MTMR14: variants seen among roughly 807,000 people sequenced by gnomAD.
MTMR14 encodes the protein phosphatidylinositol-3,5-bisphosphate 3-phosphatase MTMR14.
Under a neutral mutation model 86.3 loss-of-function variants are expected in MTMR14, and 48 were observed. The ratio of observed to expected loss-of-function variants is 0.56; its 90% CI spans 0.44 to 0.71. The LOEUF (loss-of-function observed/expected upper bound fraction) is 0.71, where lower values mean the gene tolerates loss of function less well. Among genes scored for constraint, MTMR14 ranks in the 30% least tolerant of loss-of-function variants. The pLI, the probability that MTMR14 is intolerant of heterozygous loss-of-function variation, is 0.00. For synonymous variants in MTMR14, 366 were observed against 326.1 expected (o/e 1.12, Z -1.32); for missense variants, 780 against 834.6 (o/e 0.93, Z 0.81).
intron 18 of MTMR14, chr3:9,699,843 G>C (rs187822850): frequency 1.3e-5 from 2 of 152,184 alleles, no homozygotes; most frequent in Admixed American, 6.5e-5. Context: ...TTTCTCCCTC[G>C]TATGCTATAA....
At chr3:9,700,928 C>T (rs1045316582) in intron 18 of MTMR14, 1 of 152,084 alleles carries the variant, frequency 6.6e-6, no homozygotes, top group Non-Finnish European at 1.5e-5. Flanking sequence ...AGTGATTCTC[C>T]TGCCTTCAGC....
At chr3:9,678,593 A>G (rs1449624229) in intron 9 of MTMR14, among the ~76,000 whole-genome samples, 1 of 152,190 alleles carries the variant, frequency 6.6e-6, no homozygotes, top group Non-Finnish European at 1.5e-5. Flanking sequence ...CAGAACAAGT[A>G]GTTTTGTTTT....
chr3:9,678,133 C>A, intron 9 of MTMR14, 75 bp downstream of exon 9: 3 of 1,482,820 alleles, frequency 2.0e-6, no homozygotes, highest in Non-Finnish European at 2.8e-6. Flanking sequence ...GCCTGCCCCA[C>A]AAGGCCCTCG....
intron 17 of MTMR14, among the ~76,000 whole-genome samples, chr3:9,692,589 T>C (rs2076169445): frequency 6.6e-6 from 1 of 151,716 alleles, no homozygotes; most frequent in Non-Finnish European, 1.5e-5. Context: ...GGCCTCGGCC[T>C]CGGCCTCTGC....
In MTMR14 at chr3:9,653,702, A is replaced by G; in HGVS notation, c.241A>G (p.Ile81Val). 6.2e-7 allele frequency: 1 copy of G among 1,614,152 alleles called. No individual in the cohort carries two copies. Among genetic ancestry groups the G allele is most frequent in the South Asian group, 1.1e-5 (1 of 91,078 alleles). The change falls in exon 2 of 19, where the codon ATC (isoleucine) becomes GTC (valine). Residue 81 changes from isoleucine (I) to valine (V), a missense_variant. By Grantham distance (29) the Ile-to-Val change is conservative. Coordinates refer to ENST00000296003, the MANE Select transcript of MTMR14 (RefSeq NM_001077525.3). ...FSVIPNTNGD[I>V]CGHYPRHIVF... ...CGTGATTCCAAACACGAATGGGGAT[A>G]TCTGTGGCCACTATCCCCGGCACAT... is the stretch of plus-strand genomic sequence containing the variant.
intron 10 of MTMR14, 98 bp from the exon 11 acceptor site, chr3:9,684,487 G>A: frequency 2.6e-6 from 3 of 1,144,494 alleles, no homozygotes; most frequent in Non-Finnish European, 4.0e-6. Flanking sequence ...AGCTGGTGGG[G>A]CCTGGCTCCC....
At chr3:9,693,365 C>CT (rs1324617190) in intron 17 of MTMR14, among the ~76,000 whole-genome samples, 2 of 152,322 alleles carry the variant, frequency 1.3e-5, no homozygotes, top group East Asian at 3.9e-4. Context: ...ATACAAGTGA[C>CT]TCTTGAACAA....
chr3:9,656,220 A>G (rs1233624270), intron 2 of MTMR14, among the ~76,000 whole-genome samples: 2 of 151,958 alleles, frequency 1.3e-5, no homozygotes, highest in African/African-American at 2.4e-5. Flanking sequence ...AAGAGTGCCC[A>G]TTTCACAAGG....
At chr3:9,685,685 G>A (rs926297185) in intron 13 of MTMR14, among the ~76,000 whole-genome samples, 1 of 151,828 alleles carries the variant, frequency 6.6e-6, no homozygotes, top group Non-Finnish European at 1.5e-5. Flanking sequence ...CGGCAGCAGG[G>A]TCCTGCCCCT....
intron 2 of MTMR14, among the ~76,000 whole-genome samples, chr3:9,660,279 A>C (rs1222848792): frequency 6.6e-6 from 1 of 151,158 alleles, no homozygotes; most frequent in Non-Finnish European, 1.5e-5. Flanking sequence ...TTTTTCCCCC[A>C]GACGGAGTCT....
intron 5 of MTMR14, 72 bp downstream of exon 5, chr3:9,669,564 A>C (rs2048459826): frequency 6.6e-7 from 1 of 1,505,560 alleles, no homozygotes; most frequent in Non-Finnish European, 9.1e-7. Context: ...GGCCATGTTC[A>C]TATTGTCCGT....
chr3:9,689,177 C>A, intron 16 of MTMR14, 95 bp downstream of exon 16: 1 of 1,552,482 alleles, frequency 6.4e-7, no homozygotes, highest in Non-Finnish European at 8.7e-7. Flanking sequence ...ACAAAGCAGG[C>A]CCCCAAGAGA....
chr3:9,679,033 C>G (rs764226655), intron 9 of MTMR14, among the ~76,000 whole-genome samples: 11 of 152,216 alleles, frequency 7.2e-5, no homozygotes, highest in Non-Finnish European at 1.3e-4. Context: ...CTTTGAAAGG[C>G]TGACCCATCT....
chr3:9,678,109 A>T (rs1326519317), intron 9 of MTMR14, 51 bp downstream of exon 9: 1 of 1,593,804 alleles, frequency 6.3e-7, no homozygotes, highest in African/African-American at 1.3e-5. Context: ...GTGGTGACCA[A>T]GGAGACTCTT....
chr3:9,678,830 G>C (rs2075666265), intron 9 of MTMR14, among the ~76,000 whole-genome samples: 1 of 152,232 alleles, frequency 6.6e-6, no homozygotes, highest in Non-Finnish European at 1.5e-5. Context: ...TGTAGTCACT[G>C]ATTTAGAGAT....
intron 16 of MTMR14, 134 bp downstream of exon 16, chr3:9,689,216 G>C (rs970445482): frequency 1.5e-6 from 2 of 1,364,788 alleles, no homozygotes; most frequent in African/African-American, 1.4e-5. Flanking sequence ...CCGTGCTCCT[G>C]CTGTCTCTAC....
At chr3:9,676,578 CA>C (rs1384643938) in intron 7 of MTMR14, among the ~76,000 whole-genome samples, 1 of 152,194 alleles carries the variant, frequency 6.6e-6, no homozygotes, top group Admixed American at 6.5e-5. Context: ...AGCCATTTTA[CA>C]AATGACAAAA....
At chr3:9,680,350 G>T (rs933700671) in intron 9 of MTMR14, among the ~76,000 whole-genome samples, 1 of 152,198 alleles carries the variant, frequency 6.6e-6, no homozygotes, top group Non-Finnish European at 1.5e-5. Flanking sequence ...AGCTGAACCT[G>T]GGGCCTCACT....
chr3:9,678,181 C>G (rs1322717317), intron 9 of MTMR14, 123 bp downstream of exon 9: 11 of 827,528 alleles, frequency 1.3e-5, no homozygotes, highest in Admixed American at 2.4e-5. Context: ...CACTCAGATG[C>G]CTTTGGCCCT....
Sources: gnomAD v4.1 joint callset for allele counts (sites outside exome capture counted in the v4.1 genomes callset) on GRCh38, gnomAD v4.1.1 for gene constraint, MANE v1.5 for transcripts, NCBI Gene and HGNC (gene_info 2026-07-23, HGNC 2026-07-21) for gene names.